Variants in AFF2 observed in about 807,000 individuals in gnomAD.
AFF2 encodes ALF transcription elongation factor 2, also known as AF4/FMR2 family member 2.
A neutral mutation model predicts 76.9 loss-of-function variants in AFF2; 14 were observed. The ratio of observed to expected loss-of-function variants is 0.18; its 90% CI spans 0.12 to 0.28. The LOEUF (loss-of-function observed/expected upper bound fraction) is 0.28, where lower values mean the gene tolerates loss of function less well. AFF2 is among the 10% of genes least tolerant of loss of function. The pLI is 1.00. For missense variants in AFF2, 868 were observed against 1,001.1 expected (o/e 0.87, Z 1.79); for synonymous variants, 398 against 366.7 (o/e 1.09, Z -0.98).
chrX:148,671,207 G>T (rs2054420020), intron 3 of AFF2, among the ~76,000 whole-genome samples: 1 of 111,645 alleles, frequency 9.0e-6, no homozygotes, highest in South Asian at 3.8e-4. Context: ...GAAACCAAAA[G>T]ATTGATTTAT....
intron 1 of AFF2, among the ~76,000 whole-genome samples, chrX:148,521,957 G>A (rs1206504177): frequency 2.7e-5 from 3 of 111,775 alleles, no homozygotes; most frequent in African/African-American, 9.8e-5. Flanking sequence ...CCAGATTAGG[G>A]CAATCAACAG....
intron 3 of AFF2, among the ~76,000 whole-genome samples, chrX:148,787,162 C>A (rs1557269582): frequency 8.9e-6 from 1 of 112,130 alleles, no homozygotes; most frequent in Non-Finnish European, 1.9e-5. Flanking sequence ...TTTTTAACAT[C>A]TTTCTTAAGT....
At position 148,583,235 on chromosome X, in the gene AFF2, T is replaced by C. The variant is rs193167224; in HGVS notation, c.48-68764T>C. Among the ~76,000 whole-genome samples, 5 of 111,855 alleles carry C rather than the reference T, an allele frequency of 4.5e-5. No homozygotes were observed. The East Asian group carries it at 8.5e-4, about 19-fold the overall frequency. On this transcript the variant is annotated intron_variant, in intron 1 of 20. Coordinates refer to ENST00000370460, the MANE Select transcript of AFF2 (RefSeq NM_002025.4). ...AACATCTAAATTATACACTTTAAAATAGTAAATTGTATGGTATGTGAATTG... is the reference window on the plus strand; with the variant it reads ...AACATCTAAATTATACACTTTAAAACAGTAAATTGTATGGTATGTGAATTG...
intron 1 of AFF2, among the ~76,000 whole-genome samples, chrX:148,545,340 CTTTT>C (rs1473287054): frequency 8.9e-6 from 1 of 111,817 alleles, no homozygotes; most frequent in Non-Finnish European, 1.9e-5. Context: ...CTTTGCTGTG[CTTTT>C]TGTTTATCTT....
At chrX:148,766,788 G>A (rs1413499929) in intron 3 of AFF2, among the ~76,000 whole-genome samples, 2 of 111,414 alleles carry the variant, frequency 1.8e-5, no homozygotes, top group Non-Finnish European at 3.8e-5. Flanking sequence ...GCTGCCTGAG[G>A]TTTCTCCAAT....
At chrX:148,524,525 T>C (rs1453516802) in intron 1 of AFF2, among the ~76,000 whole-genome samples, 6 of 111,906 alleles carry the variant, frequency 5.4e-5, no homozygotes, top group Non-Finnish European at 1.1e-4. Flanking sequence ...CTGAGTTCTC[T>C]TCCTCTCACA....
chrX:148,558,517 A>G (rs2053077156), intron 1 of AFF2, among the ~76,000 whole-genome samples: 1 of 111,752 alleles, frequency 8.9e-6, no homozygotes, highest in Admixed American at 9.5e-5. Flanking sequence ...TGGGTTCCCA[A>G]TACCCATCTT....
chrX:148,859,717 T>C (rs2070825841), intron 7 of AFF2, among the ~76,000 whole-genome samples: 1 of 111,821 alleles, frequency 8.9e-6, no homozygotes, highest in Non-Finnish European at 1.9e-5. Flanking sequence ...AAAATTAAAA[T>C]ATTTAATTAA....
In AFF2 at chrX:148,577,119, G is replaced by A. The variant is rs999167522; in HGVS notation, c.48-74880G>A. On this transcript the variant is annotated intron_variant, in intron 1 of 20. Transcript: ENST00000370460. Reference sequence around the variant, plus strand: ...CTGCCCCAAACCTCTGATGTTATTAGGTTGTAAGATTTTCAAGTGTGTTAG... The same window carrying A: ...CTGCCCCAAACCTCTGATGTTATTAAGTTGTAAGATTTTCAAGTGTGTTAG... Among the ~76,000 whole-genome samples the A allele has an allele frequency of 5.4e-5, 6 of 111,823 alleles. No homozygotes were observed. The East Asian group carries it at 1.7e-3, about 32-fold the overall frequency.
At chrX:148,656,789 C>T (rs1050134991) in intron 2 of AFF2, among the ~76,000 whole-genome samples, 7 of 111,093 alleles carry the variant, frequency 6.3e-5, no homozygotes, top group South Asian at 3.8e-4. Flanking sequence ...CGTGAGCCAC[C>T]GCGCCCGGCC....
At chrX:148,929,419 A>G (rs986714281) in intron 9 of AFF2, among the ~76,000 whole-genome samples, 3 of 112,339 alleles carry the variant, frequency 2.7e-5, no homozygotes, top group Non-Finnish European at 5.6e-5. Flanking sequence ...TTACTGCCTC[A>G]TTTAATATCA....
chrX:148,944,772 T>TG (rs2071880405), intron 9 of AFF2, among the ~76,000 whole-genome samples: 3 of 110,712 alleles, frequency 2.7e-5, no homozygotes, highest in Non-Finnish European at 3.8e-5. Flanking sequence ...CACCTCACCA[T>TG]GTACCATGGT....
intron 7 of AFF2, among the ~76,000 whole-genome samples, chrX:148,864,793 G>A (rs1201571443): frequency 9.0e-6 from 1 of 111,638 alleles, no homozygotes; most frequent in African/African-American, 3.3e-5. Context: ...ATTGAATTTA[G>A]CCGCCATTAA....
intron 1 of AFF2, among the ~76,000 whole-genome samples, chrX:148,622,295 T>C (rs1290881740): frequency 9.0e-6 from 1 of 111,668 alleles, no homozygotes; most frequent in Non-Finnish European, 1.9e-5. Flanking sequence ...CTTTAAGGGA[T>C]TGACACACAA....
intron 1 of AFF2, among the ~76,000 whole-genome samples, chrX:148,529,904 G>T (rs150738110): frequency 8.9e-6 from 1 of 112,113 alleles, no homozygotes; most frequent in Non-Finnish European, 1.9e-5. Context: ...ATGATAAGCA[G>T]CAAGTGGGTA....
At chrX:148,710,301 G>C (rs1479509893) in intron 3 of AFF2, among the ~76,000 whole-genome samples, 1 of 111,716 alleles carries the variant, frequency 9.0e-6, no homozygotes, top group Non-Finnish European at 1.9e-5. Context: ...TTTCAAAATG[G>C]ATGATTCTCT....
At chrX:148,827,499 T>A (rs1231827571) in intron 4 of AFF2, among the ~76,000 whole-genome samples, 2 of 111,905 alleles carry the variant, frequency 1.8e-5, no homozygotes, top group Non-Finnish European at 3.8e-5. Flanking sequence ...GAGTTGTCAT[T>A]CTCTAGTACC....
At chrX:148,801,815 C>A (rs1393259998) in intron 3 of AFF2, among the ~76,000 whole-genome samples, 1 of 111,735 alleles carries the variant, frequency 8.9e-6, no homozygotes, top group Non-Finnish European at 1.9e-5. Flanking sequence ...CATTTCTCCA[C>A]CTCCTTTCAC....
chrX:148,868,661 G>A (rs781893596), intron 7 of AFF2, among the ~76,000 whole-genome samples: 1 of 112,238 alleles, frequency 8.9e-6, no homozygotes, highest in East Asian at 2.8e-4. Context: ...CCTAAGACTG[G>A]GTAGTTTATA....
Sources: allele counts gnomAD v4.1 joint callset (sites outside exome capture counted in the v4.1 genomes callset), GRCh38; gene constraint gnomAD v4.1.1; transcripts MANE v1.5; gene names NCBI Gene and HGNC (gene_info 2026-07-23, HGNC 2026-07-21).